MACROD1: variants seen among roughly 807,000 people sequenced by gnomAD.
MACROD1 encodes mono-ADP ribosylhydrolase 1, also known as ADP-ribose glycohydrolase MACROD1.
A neutral mutation model predicts 41.4 loss-of-function variants in MACROD1; 31 were observed. The observed-to-expected ratio is 0.75, with a 90% CI of 0.56 to 1.01. The LOEUF (loss-of-function observed/expected upper bound fraction) is 1.01. Among genes scored for constraint, MACROD1 ranks in the 50% least tolerant of loss-of-function variants. The pLI is 0.00. For synonymous variants in MACROD1, 252 were observed against 203.4 expected (o/e 1.24, Z -2.03); for missense variants, 473 against 460.0 (o/e 1.03, Z -0.26).
chr11:64,149,660 G>A (rs570045536), intron 3 of MACROD1, among the ~76,000 whole-genome samples: 8 of 152,292 alleles, frequency 5.3e-5, no homozygotes, highest in Non-Finnish European at 7.4e-5. Flanking sequence ...TTTTCCCTCC[G>A]GCCACTTTGC....
chr11:64,123,238 A>C (rs1485185284), intron 3 of MACROD1, among the ~76,000 whole-genome samples: 1 of 152,130 alleles, frequency 6.6e-6, no homozygotes, highest in African/African-American at 2.4e-5. Context: ...CTCGATTGGC[A>C]CAGGTGACGG....
chr11:64,140,797 G>A (rs926405383), intron 3 of MACROD1, among the ~76,000 whole-genome samples: 2 of 152,168 alleles, frequency 1.3e-5, no homozygotes, highest in African/African-American at 4.8e-5. Flanking sequence ...CTGGTACACG[G>A]TGAAGCCAGG....
chr11:64,044,707 T>C (rs1375690685), intron 3 of MACROD1, among the ~76,000 whole-genome samples: 1 of 152,066 alleles, frequency 6.6e-6, no homozygotes, highest in Non-Finnish European at 1.5e-5. Flanking sequence ...AACTGAGGCA[T>C]GGAGATGGCA....
At position 64,034,524 on chromosome 11, in the gene MACROD1, C is replaced by G. The variant is rs538818674; in HGVS notation, c.518-19243G>C. ...GAGGGAGAGGCAGGAAGGGCAAAGA[C>G]AGGCGCATGCAGAGCGCACAGAGGC... On this transcript the variant is annotated intron_variant, in intron 3 of 10. Coordinates refer to ENST00000255681, the MANE Select transcript of MACROD1 (RefSeq NM_014067.4). Among the ~76,000 whole-genome samples the G allele has an allele frequency of 1.1e-4, 16 of 152,280 alleles. No individual in the cohort carries two copies. The South Asian group carries it at 3.1e-3, about 30-fold the overall frequency.
At chr11:64,070,586 C>T (rs190124483) in intron 3 of MACROD1, among the ~76,000 whole-genome samples, 1 of 152,198 alleles carries the variant, frequency 6.6e-6, no homozygotes, top group Non-Finnish European at 1.5e-5. Context: ...ACCCTCCCCT[C>T]TCCCCCGGAG....
intron 3 of MACROD1, among the ~76,000 whole-genome samples, chr11:64,040,090 G>A (rs1751436299): frequency 6.6e-6 from 1 of 152,268 alleles, no homozygotes; most frequent in Non-Finnish European, 1.5e-5. Context: ...GCCAGGCACA[G>A]TGCTGGGCTC....
chr11:64,133,214 T>C (rs1441394413), intron 3 of MACROD1, among the ~76,000 whole-genome samples: 1 of 152,248 alleles, frequency 6.6e-6, no homozygotes, highest in Admixed American at 6.5e-5. Context: ...GAGCAAGGAC[T>C]GGGTCTTAAT....
At chr11:64,147,355 A>G (rs576181790) in intron 3 of MACROD1, among the ~76,000 whole-genome samples, 1 of 148,206 alleles carries the variant, frequency 6.7e-6, no homozygotes, top group Non-Finnish European at 1.5e-5. Context: ...TACAAGAGTG[A>G]GCCACCGCCT....
chr11:64,008,075 C>A (rs991230541), intron 4 of MACROD1, among the ~76,000 whole-genome samples: 2 of 152,218 alleles, frequency 1.3e-5, no homozygotes, highest in African/African-American at 4.8e-5. Flanking sequence ...CGCTTGTGAG[C>A]CGGGCAGGAG....
At chr11:64,044,417 A>AT (rs567766882) in intron 3 of MACROD1, among the ~76,000 whole-genome samples, 1 of 152,028 alleles carries the variant, frequency 6.6e-6, no homozygotes, top group Non-Finnish European at 1.5e-5. Context: ...ACACTGGCTA[A>AT]TTTTTTAATT....
At chr11:64,010,920 C>T (rs1414274343) in intron 4 of MACROD1, among the ~76,000 whole-genome samples, 63 of 51,056 alleles carry the variant, frequency 1.2e-3, no homozygotes, top group East Asian at 1.8e-3. Context: ...GGGTGTTGGC[C>T]AGGGTGTTGG....
At chr11:64,136,412 G>A (rs1945333506) in intron 3 of MACROD1, among the ~76,000 whole-genome samples, 2 of 152,182 alleles carry the variant, frequency 1.3e-5, no homozygotes, top group African/African-American at 4.8e-5. Flanking sequence ...CCGCCTCTCA[G>A]GCCATGACTG....
intron 3 of MACROD1, among the ~76,000 whole-genome samples, chr11:64,046,634 G>A (rs1431615850): frequency 6.6e-6 from 1 of 152,132 alleles, no homozygotes; most frequent in South Asian, 2.1e-4. Context: ...CAAGTAGCTG[G>A]GGCTACAGGC....
At chr11:64,163,147 A>C (rs1474785994) in intron 1 of MACROD1, among the ~76,000 whole-genome samples, 1 of 151,366 alleles carries the variant, frequency 6.6e-6, no homozygotes, top group African/African-American at 2.4e-5. Context: ...ACAAACAAAC[A>C]AACAAAAATT....
chr11:64,051,167 T>A (rs1323236676), intron 3 of MACROD1, among the ~76,000 whole-genome samples: 1 of 152,198 alleles, frequency 6.6e-6, no homozygotes, highest in Non-Finnish European at 1.5e-5. Flanking sequence ...CTAGCCACCT[T>A]ACTAGGCCTC....
chr11:64,005,297 G>A (rs1942892424), intron 4 of MACROD1, among the ~76,000 whole-genome samples: 2 of 152,282 alleles, frequency 1.3e-5, no homozygotes, highest in South Asian at 4.1e-4. Context: ...CAAAGTGCTG[G>A]GATTATAGGC....
chr11:64,092,855 G>A (rs895474564), intron 3 of MACROD1, among the ~76,000 whole-genome samples: 1 of 152,238 alleles, frequency 6.6e-6, no homozygotes, highest in African/African-American at 2.4e-5. Context: ...TGTCACCAAA[G>A]ACAAAGTCAA....
intron 3 of MACROD1, among the ~76,000 whole-genome samples, chr11:64,034,557 G>A (rs565961921): frequency 3.9e-5 from 6 of 152,332 alleles, no homozygotes; most frequent in East Asian, 1.9e-4. Flanking sequence ...GGCCAGAGGC[G>A]GCGGCCTCAG....
chr11:64,019,064 C>T (rs1422686958), intron 3 of MACROD1, among the ~76,000 whole-genome samples: 1 of 152,068 alleles, frequency 6.6e-6, no homozygotes, highest in East Asian at 1.9e-4. Context: ...GAGCTTGGAG[C>T]GGCACAGTTC....
Sources: gnomAD v4.1 joint callset for allele counts (sites outside exome capture counted in the v4.1 genomes callset) on GRCh38, gnomAD v4.1.1 for gene constraint, MANE v1.5 for transcripts, NCBI Gene and HGNC (gene_info 2026-07-23, HGNC 2026-07-21) for gene names.